NOS1AP: variants seen among roughly 807,000 people sequenced by gnomAD.
The protein encoded by NOS1AP is carboxyl-terminal PDZ ligand of neuronal nitric oxide synthase protein.
Under a neutral mutation model 56.2 loss-of-function variants are expected in NOS1AP, and 21 were observed. The ratio of observed to expected loss-of-function variants is 0.37; its 90% confidence interval spans 0.26 to 0.54. NOS1AP has a LOEUF of 0.54. Among genes scored for constraint, NOS1AP ranks in the 20% least tolerant of loss-of-function variants. The pLI is 0.84. For missense variants in NOS1AP, 522 were observed against 657.8 expected (o/e 0.79, Z 2.26); for synonymous variants, 270 against 274.6 (o/e 0.98, Z 0.17).
chr1:162,275,810 C>T (rs1654712564), intron 2 of NOS1AP, among the ~76,000 whole-genome samples: 1 of 152,176 alleles, frequency 6.6e-6, no homozygotes, highest in African/African-American at 2.4e-5. Flanking sequence ...AGTCTCTATC[C>T]AGTAGACTCC....
At chr1:162,162,460 G>A (rs1650266826) in intron 2 of NOS1AP, among the ~76,000 whole-genome samples, 1 of 152,128 alleles carries the variant, frequency 6.6e-6, no homozygotes, top group Non-Finnish European at 1.5e-5. Context: ...GCTAGTGTTT[G>A]TCCTGATAAC....
At chr1:162,361,043 T>C (rs550146805) in intron 8 of NOS1AP, 85 of 396,232 alleles carry the variant, frequency 2.1e-4, no homozygotes, top group Non-Finnish European at 3.8e-4. Flanking sequence ...AACTTTTGTG[T>C]GTCATGATGA....
At chr1:162,234,180 A>C (rs1653213451) in intron 2 of NOS1AP, among the ~76,000 whole-genome samples, 1 of 152,180 alleles carries the variant, frequency 6.6e-6, no homozygotes, top group Non-Finnish European at 1.5e-5. Context: ...TGGTATCTGG[A>C]CCTTGAGAAA....
chr1:162,309,600 G>A (rs911760440), intron 4 of NOS1AP, among the ~76,000 whole-genome samples: 2 of 152,138 alleles, frequency 1.3e-5, no homozygotes, highest in East Asian at 3.9e-4. Flanking sequence ...ATCCTTACAG[G>A]AGAATGAGTA....
In NOS1AP at chr1:162,239,442, C is replaced by G. The variant is rs188005283; in HGVS notation, c.178-47902C>G. ...TGCAATTTGACATATTATAATGACA[C>G]TGCCCTTTGGTGCCTGTCACCAAAA... On this transcript the variant is annotated intron_variant, in intron 2 of 9. Transcript: ENST00000361897. Among the ~76,000 whole-genome samples, 237 of 152,348 alleles carry G rather than the reference C, an allele frequency of 1.6e-3. 1 individual carries two copies. Among genetic ancestry groups the G allele is most frequent in the Middle Eastern group, 6.8e-3 (2 of 294 alleles).
intron 2 of NOS1AP, among the ~76,000 whole-genome samples, chr1:162,239,940 G>A (rs1199682566): frequency 6.6e-6 from 1 of 152,132 alleles, no homozygotes; most frequent in East Asian, 1.9e-4. Flanking sequence ...ACTAATACTT[G>A]GGGACACAGA....
At chr1:162,098,863 A>G (rs763109045) in intron 1 of NOS1AP, among the ~76,000 whole-genome samples, 9 of 152,186 alleles carry the variant, frequency 5.9e-5, no homozygotes, top group African/African-American at 2.2e-4. Flanking sequence ...TTATGGCTGC[A>G]TAGTATCCCA....
intron 2 of NOS1AP, among the ~76,000 whole-genome samples, chr1:162,164,360 T>A (rs1330007667): frequency 6.6e-6 from 1 of 152,232 alleles, no homozygotes; most frequent in African/African-American, 2.4e-5. Context: ...CACATATGTA[T>A]ATGCACACAC....
At chr1:162,128,425 C>G (rs922119527) in intron 1 of NOS1AP, among the ~76,000 whole-genome samples, 1 of 152,116 alleles carries the variant, frequency 6.6e-6, no homozygotes, top group African/African-American at 2.4e-5. Flanking sequence ...ACTCAACAAT[C>G]TCTATTCTCC....
chr1:162,289,455 G>A (rs896089173), intron 3 of NOS1AP, among the ~76,000 whole-genome samples: 230 of 134,726 alleles, frequency 1.7e-3, no homozygotes, highest in African/African-American at 6.2e-3. Flanking sequence ...CTGCCACCAC[G>A]CCCAGCTACT....
intron 3 of NOS1AP, among the ~76,000 whole-genome samples, chr1:162,297,666 A>C (rs1655514479): frequency 6.6e-6 from 1 of 152,184 alleles, no homozygotes; most frequent in Non-Finnish European, 1.5e-5. Flanking sequence ...CACTGTATTC[A>C]TGTCTCTCAA....
At chr1:162,322,169 TG>T (rs942514740) in intron 4 of NOS1AP, among the ~76,000 whole-genome samples, 1 of 151,928 alleles carries the variant, frequency 6.6e-6, no homozygotes, top group Non-Finnish European at 1.5e-5. Context: ...GACCTGAGGG[TG>T]GGGCAGGTGA....
At chr1:162,288,509 T>C (rs1005738417) in intron 3 of NOS1AP, among the ~76,000 whole-genome samples, 5 of 152,200 alleles carry the variant, frequency 3.3e-5, no homozygotes, top group African/African-American at 1.2e-4. Context: ...AGGGGACTTG[T>C]CATATCAATC....
At chr1:162,352,273 T>A (rs974069449) in intron 6 of NOS1AP, among the ~76,000 whole-genome samples, 1 of 152,012 alleles carries the variant, frequency 6.6e-6, no homozygotes, top group Non-Finnish European at 1.5e-5. Context: ...TGGCCAGGCT[T>A]GTCCCAAACT....
chr1:162,360,365 G>A (rs1307812769), intron 8 of NOS1AP, among the ~76,000 whole-genome samples: 6 of 152,212 alleles, frequency 3.9e-5, no homozygotes, highest in Non-Finnish European at 8.8e-5. Flanking sequence ...GTGAATGAGA[G>A]TATAGCTAAG....
At chr1:162,288,294 G>A (rs746558334) in intron 3 of NOS1AP, among the ~76,000 whole-genome samples, 1 of 151,994 alleles carries the variant, frequency 6.6e-6, no homozygotes, top group Non-Finnish European at 1.5e-5. Context: ...ATTTATTGAT[G>A]GTAGCACCAT....
Position 162,367,669 on chromosome 1 carries a change from T to C in NOS1AP, c.*202T>C. 3 of 619,082 alleles carry C rather than the reference T, an allele frequency of 4.8e-6. No homozygotes were observed. The highest frequency in any genetic ancestry group is 8.4e-6 in the Non-Finnish European group (3 of 359,218). 38.3% of individuals were successfully genotyped at this position (619,082 alleles called of 1,614,324 possible). A position where few individuals can be genotyped will look rare whatever the true frequency, so the allele number is the denominator to read the frequency against. On this transcript the variant is annotated 3_prime_UTR_variant, in exon 10 of 10. Transcript: ENST00000361897. This position sits in a 1 kb window ranked among gnomAD's most constrained non-coding sequence, Gnocchi z 6.5. ...AAGAAATCGGATTCCCAGAGGTGAA[T>C]CAGCTCCTCTCCTACTTGTGACTAG...
intron 1 of NOS1AP, among the ~76,000 whole-genome samples, chr1:162,144,938 C>T (rs976279992): frequency 6.6e-6 from 1 of 152,188 alleles, no homozygotes; most frequent in East Asian, 1.9e-4. Flanking sequence ...CTGTCTTACC[C>T]TCTGTCCCTT....
At chr1:162,157,195 A>G (rs2102101379) in intron 2 of NOS1AP, 1 of 154,316 alleles carries the variant, frequency 6.5e-6, no homozygotes, top group South Asian at 2.0e-4. Flanking sequence ...CTTATGGCCC[A>G]TGTGCCTCTT....
Sources: allele counts gnomAD v4.1 joint callset (sites outside exome capture counted in the v4.1 genomes callset), GRCh38; gene constraint gnomAD v4.1.1; non-coding constraint Gnocchi (gnomAD v3.1); transcripts MANE v1.5; gene names NCBI Gene and HGNC (gene_info 2026-07-23, HGNC 2026-07-21).